WDR70: variants seen among roughly 807,000 people sequenced by gnomAD.
WDR70 encodes WD repeat domain 70, also known as WD repeat-containing protein 70.
A neutral mutation model predicts 88.6 loss-of-function variants in WDR70; 53 were observed. That is an observed-to-expected ratio of 0.60 (90% CI 0.48 to 0.75). WDR70 has a LOEUF of 0.75. Among genes scored for constraint, WDR70 ranks in the 30% least tolerant of loss-of-function variants. The probability of loss-of-function intolerance (pLI) is 0.00; values close to 1 mark genes in which losing one functional copy is unlikely to be tolerated. For missense variants in WDR70, 610 were observed against 823.2 expected, an observed-to-expected ratio of 0.74 and a Z score of 3.17; for synonymous variants, 280 against 270.0, an observed-to-expected ratio of 1.04 and a Z score of -0.36.
chr5:37,558,557 C>T (rs914766731), intron 9 of WDR70, among the ~76,000 whole-genome samples: 1 of 151,898 alleles, frequency 6.6e-6, no homozygotes, highest in African/African-American at 2.4e-5. Flanking sequence ...AACTCCTCGG[C>T]TCAAACAATC....
At chr5:37,445,790 CAAAAT>C in intron 7 of WDR70, among the ~76,000 whole-genome samples, 1 of 152,234 alleles carries the variant, frequency 6.6e-6, no homozygotes, top group Non-Finnish European at 1.5e-5. Context: ...GGACATATCT[CAAAAT>C]AATAAGAGCT....
At chr5:37,661,453 G>A (rs1745697739) in intron 10 of WDR70, among the ~76,000 whole-genome samples, 1 of 152,248 alleles carries the variant, frequency 6.6e-6, no homozygotes, top group Admixed American at 6.5e-5. Flanking sequence ...CCAGTGGATA[G>A]TGTGAAGGAC....
intron 9 of WDR70, among the ~76,000 whole-genome samples, chr5:37,603,117 T>C (rs766127065): frequency 1.3e-5 from 2 of 151,590 alleles, no homozygotes; most frequent in Non-Finnish European, 2.9e-5. Flanking sequence ...AAAATTCCAA[T>C]GTCATTTTCC....
At chr5:37,510,686 T>C (rs1740698114) in intron 8 of WDR70, among the ~76,000 whole-genome samples, 3 of 152,250 alleles carry the variant, frequency 2.0e-5, no homozygotes, top group African/African-American at 4.8e-5. Flanking sequence ...ACAATCTGTA[T>C]AATGATTTTT....
intron 10 of WDR70, among the ~76,000 whole-genome samples, chr5:37,632,469 G>A (rs1188442621): frequency 2.0e-5 from 3 of 152,126 alleles, no homozygotes; most frequent in Non-Finnish European, 4.4e-5. Flanking sequence ...CTTTCAGTGG[G>A]TTGATATATA....
chr5:37,633,831 A>G (rs893264664), intron 10 of WDR70, among the ~76,000 whole-genome samples: 15 of 152,206 alleles, frequency 9.9e-5, no homozygotes, highest in African/African-American at 3.6e-4. Flanking sequence ...ATATTCCTAA[A>G]TCTACATGCT....
chr5:37,563,559 ACCCCCCCCCACCTCCCTC>A (rs1742612798), intron 9 of WDR70, among the ~76,000 whole-genome samples: 4 of 31,366 alleles, frequency 1.3e-4, no homozygotes, highest in African/African-American at 3.2e-4. Context: ...CGGGGGGCTG[ACCCCCCCCCACCTCCCTC>A]CCGGACGGGC....
chr5:37,542,340 C>T (rs910871008), intron 9 of WDR70, among the ~76,000 whole-genome samples: 2 of 149,308 alleles, frequency 1.3e-5, no homozygotes, highest in African/African-American at 2.5e-5. Flanking sequence ...AGTGCAGTGG[C>T]GTGATCTCGG....
intron 4 of WDR70, among the ~76,000 whole-genome samples, chr5:37,395,940 A>G (rs1418753904): frequency 6.6e-6 from 1 of 152,098 alleles, no homozygotes; most frequent in East Asian, 1.9e-4. Flanking sequence ...AGCTGGTACC[A>G]CAAGCACATG....
At chr5:37,733,282 A>T (rs1234544955) in intron 17 of WDR70, among the ~76,000 whole-genome samples, 1 of 152,094 alleles carries the variant, frequency 6.6e-6, no homozygotes, top group Non-Finnish European at 1.5e-5. Flanking sequence ...TTACAGTAGC[A>T]TTTAGAGCCA....
intron 10 of WDR70, among the ~76,000 whole-genome samples, chr5:37,627,901 T>C: frequency 6.6e-6 from 1 of 152,146 alleles, no homozygotes; most frequent in Non-Finnish European, 1.5e-5. Context: ...TTAGGTGAAA[T>C]ATTCTGTAAA....
At chr5:37,385,875 C>T (rs1408888503) in intron 3 of WDR70, among the ~76,000 whole-genome samples, 1 of 152,038 alleles carries the variant, frequency 6.6e-6, no homozygotes, top group Non-Finnish European at 1.5e-5. Context: ...GCGATCTCGA[C>T]TCACTGCAAG....
intron 10 of WDR70, among the ~76,000 whole-genome samples, chr5:37,622,053 A>G (rs1272565894): frequency 1.3e-5 from 2 of 152,038 alleles, no homozygotes; most frequent in African/African-American, 4.8e-5. Context: ...ATGCGGCATT[A>G]TTTCTGCGGG....
chr5:37,562,601 G>A (rs892438077), intron 9 of WDR70, among the ~76,000 whole-genome samples: 5 of 152,288 alleles, frequency 3.3e-5, no homozygotes, highest in South Asian at 2.1e-4. Flanking sequence ...CCGGCCTTCC[G>A]CAGTGTTTGT....
At chr5:37,607,975 A>G (rs1315125156) in intron 10 of WDR70, among the ~76,000 whole-genome samples, 1 of 151,538 alleles carries the variant, frequency 6.6e-6, no homozygotes, top group Admixed American at 6.6e-5. Context: ...GGGAGATGAC[A>G]TTGGAGCAGT....
intron 13 of WDR70, among the ~76,000 whole-genome samples, chr5:37,703,337 A>G (rs1256077693): frequency 6.6e-6 from 1 of 152,208 alleles, no homozygotes; most frequent in South Asian, 2.1e-4. Flanking sequence ...CTCTCTGCCA[A>G]ACAAATTGAG....
intron 8 of WDR70, among the ~76,000 whole-genome samples, chr5:37,496,563 C>T (rs930157171): frequency 6.6e-6 from 1 of 152,196 alleles, no homozygotes; most frequent in African/African-American, 2.4e-5. Context: ...GAACCAATTC[C>T]GGACTCACTA....
At chr5:37,538,435 T>C (rs1741726776) in intron 9 of WDR70, among the ~76,000 whole-genome samples, 1 of 152,202 alleles carries the variant, frequency 6.6e-6, no homozygotes, top group African/African-American at 2.4e-5. Flanking sequence ...GAGCTCTGAC[T>C]AGGTCAATGT....
At chr5:37,636,222 A>T (rs200126464) in intron 10 of WDR70, among the ~76,000 whole-genome samples, 1 of 54,478 alleles carries the variant, frequency 1.8e-5, no homozygotes, top group Non-Finnish European at 6.9e-5. Context: ...TGACCGAATC[A>T]GGGGCAAGTC....
Sources: allele counts gnomAD v4.1 joint callset (sites outside exome capture counted in the v4.1 genomes callset), GRCh38; gene constraint gnomAD v4.1.1; transcripts MANE v1.5; gene names NCBI Gene and HGNC (gene_info 2026-07-23, HGNC 2026-07-21).